CDH5: variants seen among roughly 807,000 people sequenced by gnomAD.
The protein encoded by CDH5 is cadherin 5.
Under a neutral mutation model 62.0 loss-of-function variants are expected in CDH5, and 28 were observed. That is an observed-to-expected ratio of 0.45 (90% confidence interval 0.33 to 0.62). The LOEUF is 0.62. CDH5 is among the 20% of genes least tolerant of loss of function. CDH5 has a pLI of 0.02. For synonymous variants in CDH5, 464 were observed against 445.8 expected (o/e 1.04, Z -0.52); for missense variants, 940 against 1,065.1 (o/e 0.88, Z 1.63).
At chr16:66,384,400 G>A (rs777266179) in intron 2 of CDH5, among the ~76,000 whole-genome samples, 1 of 151,634 alleles carries the variant, frequency 6.6e-6, no homozygotes, top group Non-Finnish European at 1.5e-5. Context: ...CCCGAGTCCA[G>A]CCTTTCTAAA....
chr16:66,384,699 C>G (rs1960954127), intron 2 of CDH5, among the ~76,000 whole-genome samples: 2 of 145,856 alleles, frequency 1.4e-5, no homozygotes, highest in African/African-American at 5.1e-5. Flanking sequence ...GGCGTGGTGG[C>G]TCACACCTGT....
chr16:66,378,786 C>T (rs74526102), intron 1 of CDH5, among the ~76,000 whole-genome samples: 6,055 of 152,242 alleles, frequency 0.04, 378 homozygotes, highest in African/African-American at 0.14. Flanking sequence ...CTATTTTCAC[C>T]CTCCCCAGTT....
chr16:66,367,024 A>G (rs1258869866), intron 1 of CDH5, among the ~76,000 whole-genome samples: 1 of 152,182 alleles, frequency 6.6e-6, no homozygotes, highest in Admixed American at 6.5e-5. Flanking sequence ...TGTATTCTCC[A>G]ACTCAAAAAG....
intron 6 of CDH5, 90 bp downstream of exon 6, chr16:66,390,680 G>T: frequency 8.2e-7 from 1 of 1,214,612 alleles, no homozygotes. Context: ...CTGGGCCAGA[G>T]ACCATCAAAG....
In CDH5 at chr16:66,403,129, A is replaced by G. The variant is rs1295427112; in HGVS notation, c.2315A>G (p.Glu772Gly). 1 of 1,613,290 alleles carries G rather than the reference A, an allele frequency of 6.2e-7. No homozygotes were observed. The highest frequency in any genetic ancestry group is 1.1e-5 in the South Asian group (1 of 90,968). Reference protein sequence around the residue: ...DWGPRFKMLAELYGSDPREEL... With the variant: ...DWGPRFKMLAGLYGSDPREEL... Reference sequence around the variant, plus strand: ...GGACCCAGGTTTAAGATGCTGGCTGAGCTGTACGGCTCGGACCCCCGGGAG... The same window carrying G: ...GGACCCAGGTTTAAGATGCTGGCTGGGCTGTACGGCTCGGACCCCCGGGAG... The change falls in exon 12 of 12, where the codon GAG becomes GGG. Residue 772 changes from glutamate (E) to glycine (G), a missense_variant. By Grantham distance (98) the Glu-to-Gly change is moderately conservative. Coordinates refer to ENST00000341529, the MANE Select transcript of CDH5 (RefSeq NM_001795.5). The surrounding 1 kb of genome is among the most constrained non-coding windows in gnomAD (Gnocchi z 4.3).
At chr16:66,380,225 A>G (rs535834605) in intron 2 of CDH5, among the ~76,000 whole-genome samples, 4 of 131,322 alleles carry the variant, frequency 3.0e-5, no homozygotes, top group African/African-American at 1.2e-4. Context: ...GATGGTGGTG[A>G]TGATAAAGGG....
chr16:66,392,370 A>T lies in CDH5; in HGVS notation c.1204A>T (p.Arg402Trp). 1 of 1,614,188 alleles carries T rather than the reference A, an allele frequency of 6.2e-7. No individual in the cohort carries two copies. Among genetic ancestry groups the T allele is most frequent in the Non-Finnish European group, 8.5e-7 (1 of 1,180,026 alleles). ...TVLAMDPDAA[R>W]HSIGYSIRRT... ...GCTGGCCATGGACCCTGATGCGGCTAGGCATAGCATTGGGTAAGGGGGCGT... is the reference window on the plus strand; with the variant it reads ...GCTGGCCATGGACCCTGATGCGGCTTGGCATAGCATTGGGTAAGGGGGCGT... The change falls in exon 7 of 12, where the codon AGG (arginine) becomes TGG (tryptophan). Residue 402 changes from arginine to tryptophan, a missense_variant. Physicochemically the swap from Arg to Trp is moderately radical, Grantham distance 101. Coordinates refer to ENST00000341529, the MANE Select transcript of CDH5 (RefSeq NM_001795.5).
chr16:66,390,650 G>T, intron 6 of CDH5, 60 bp downstream of exon 6: 1 of 1,512,970 alleles, frequency 6.6e-7, no homozygotes, highest in Non-Finnish European at 9.1e-7. Flanking sequence ...GCACCCACAG[G>T]TCCTGCTTGG....
intron 1 of CDH5, among the ~76,000 whole-genome samples, chr16:66,375,710 A>G (rs1181142145): frequency 6.6e-6 from 1 of 152,020 alleles, no homozygotes; most frequent in Non-Finnish European, 1.5e-5. Flanking sequence ...AACACCGTAC[A>G]CTTAGCTTCA....
intron 2 of CDH5, 94 bp from the exon 3 acceptor site, chr16:66,386,715 G>A (rs1378194675): frequency 8.9e-7 from 1 of 1,129,376 alleles, no homozygotes; most frequent in Non-Finnish European, 1.3e-6. Context: ...ATACACACAT[G>A]CACAGGCACA....
chr16:66,392,431 A>G, intron 7 of CDH5, 48 bp downstream of exon 7: 1 of 1,606,870 alleles, frequency 6.2e-7, no homozygotes, highest in Non-Finnish European at 8.5e-7. Context: ...TCCGGCCTGG[A>G]TGTTCCTATG....
At chr16:66,402,573 G>A (rs1473232654) in intron 11 of CDH5, 79 bp from the exon 12 acceptor site, 2 of 1,276,640 alleles carry the variant, frequency 1.6e-6, no homozygotes, top group Non-Finnish European at 1.0e-6. Flanking sequence ...GGTTGCAGGG[G>A]GCAGTGGGGA....
intron 1 of CDH5, among the ~76,000 whole-genome samples, chr16:66,371,562 C>CT (rs893280549): frequency 5.9e-5 from 9 of 152,186 alleles, no homozygotes; most frequent in Non-Finnish European, 1.3e-4. Flanking sequence ...GGGGTGTGCA[C>CT]TTGTGAAGGC....
intron 10 of CDH5, among the ~76,000 whole-genome samples, chr16:66,399,023 A>G (rs962234527): frequency 7.9e-5 from 12 of 152,194 alleles, no homozygotes; most frequent in African/African-American, 2.7e-4. Flanking sequence ...TTCAAGAACT[A>G]GCCAAGGAGT....
intron 9 of CDH5, 32 bp downstream of exon 9, chr16:66,398,138 G>A: frequency 1.9e-6 from 3 of 1,613,644 alleles, no homozygotes; most frequent in Non-Finnish European, 1.7e-6. Context: ...GGGGAAGGCA[G>A]CACCACCCTG....
In CDH5 at chr16:66,396,065, C is replaced by A. The variant is rs758074577; in HGVS notation, c.1224C>A (p.Ser408=). Residue 408 remains serine (S), a synonymous_variant, in exon 8 of 12, where the codon TCC becomes TCA. Coordinates refer to ENST00000341529, the MANE Select transcript of CDH5 (RefSeq NM_001795.5). ...PDAARHSIGY[S]IRRTSDKGQF... is the part of the protein sequence containing the mutation. Reference sequence around the variant, plus strand: ...AACTCTCTCCCCTGGGCAGATACTCCATCCGCAGGACCAGTGACAAGGGCC... The same window carrying A: ...AACTCTCTCCCCTGGGCAGATACTCAATCCGCAGGACCAGTGACAAGGGCC... 13 of 1,613,530 alleles carry A rather than the reference C, an allele frequency of 8.1e-6. No homozygotes were observed. In the Admixed American group the frequency reaches 2.2e-4, roughly 27 times the overall value.
intron 6 of CDH5, 110 bp from the exon 7 acceptor site, chr16:66,392,026 T>G: frequency 7.4e-7 from 1 of 1,352,886 alleles, no homozygotes; most frequent in Non-Finnish European, 1.0e-6. Flanking sequence ...GCCCCTCATC[T>G]ATAAAATGGG....
chr16:66,391,865 T>A (rs1292957634), intron 6 of CDH5, among the ~76,000 whole-genome samples: 2 of 152,190 alleles, frequency 1.3e-5, no homozygotes, highest in Non-Finnish European at 2.9e-5. Context: ...CCATTCTATG[T>A]CCCAAACGCT....
At chr16:66,375,385 T>A (rs1225241050) in intron 1 of CDH5, among the ~76,000 whole-genome samples, 1 of 151,906 alleles carries the variant, frequency 6.6e-6, no homozygotes, top group Non-Finnish European at 1.5e-5. Flanking sequence ...TTCAAAAAAA[T>A]TTAAAAATTA....
Sources: allele counts gnomAD v4.1 joint callset (sites outside exome capture counted in the v4.1 genomes callset), GRCh38; gene constraint gnomAD v4.1.1; non-coding constraint Gnocchi (gnomAD v3.1); transcripts MANE v1.5; gene names NCBI Gene and HGNC (gene_info 2026-07-23, HGNC 2026-07-21).